TOLLIP: variants seen among roughly 807,000 people sequenced by gnomAD.
TOLLIP encodes the protein toll interacting protein.
TOLLIP carries 16 observed loss-of-function variants against 33.5 expected under a neutral mutation model. That is an observed-to-expected ratio of 0.48 (90% CI 0.32 to 0.72). The LOEUF is 0.72. Ranked by LOEUF, TOLLIP falls within the 30% of genes least tolerant of loss-of-function variation. The probability of loss-of-function intolerance (pLI) is 0.03; values close to 1 mark genes in which losing one functional copy is unlikely to be tolerated. For missense variants in TOLLIP, 325 were observed against 396.6 expected, an observed-to-expected ratio of 0.82 and a Z score of 1.53; for synonymous variants, 176 against 163.7, an observed-to-expected ratio of 1.07 and a Z score of -0.57.
In TOLLIP at chr11:1,309,484, G is replaced by A. The variant is rs1413498449; in HGVS notation, c.15C>T (p.Val5=). 10 of 1,340,966 alleles carry A rather than the reference G, an allele frequency of 7.5e-6. No individual in the cohort carries two copies. The highest frequency in any genetic ancestry group is 9.6e-6 in the Non-Finnish European group (10 of 1,040,236). The allele number at this position is 1,340,966 out of a possible 1,614,324, so 83.1% of individuals were successfully genotyped here. The change falls in exon 1 of 6, where the codon GTC becomes GTT. Residue 5 remains valine (V), a synonymous_variant. Coordinates refer to ENST00000317204, the MANE Select transcript of TOLLIP (RefSeq NM_019009.4). The part of the protein sequence containing the change: MATT[V]STQRGPVYIG... Reference sequence around the variant, plus strand: ...GCCTCACCGGCCCGCGCTGAGTGCTGACGGTGGTCGCCATGGTGCTGCGGC... The same window carrying A: ...GCCTCACCGGCCCGCGCTGAGTGCTAACGGTGGTCGCCATGGTGCTGCGGC...
intron 1 of TOLLIP, chr11:1,302,855 C>T: frequency 1.1e-6 from 1 of 941,706 alleles, no homozygotes; most frequent in Non-Finnish European, 1.3e-6. Context: ...TCAGCAGCCC[C>T]CTCCCAGGAG....
chr11:1,290,515 C>T lies in TOLLIP; in HGVS notation c.184-106G>A. ...ACCCTTCCACGAGGCCTTTTCCTAA[C>T]ACATAGACTACAGCCACTCAGAGTC... is the stretch of plus-strand genomic sequence containing the variant. On this transcript the variant is annotated intron_variant, in intron 2 of 5. Coordinates refer to ENST00000317204, the MANE Select transcript of TOLLIP (RefSeq NM_019009.4). This position sits in a 1 kb window ranked among gnomAD's most constrained non-coding sequence, Gnocchi z 4.9. 9.6e-7 allele frequency: 1 copy of T among 1,041,872 alleles called. No homozygotes were observed. Among genetic ancestry groups the T allele is most frequent in the Admixed American group, 2.3e-5 (1 of 43,806 alleles). 64.5% of individuals were successfully genotyped at this position (1,041,872 alleles called of 1,614,324 possible).
At chr11:1,281,292 G>C (rs563483445) in intron 5 of TOLLIP, among the ~76,000 whole-genome samples, 16 of 152,228 alleles carry the variant, frequency 1.1e-4, no homozygotes, top group Middle Eastern at 3.4e-3. Flanking sequence ...TCACTGATGC[G>C]GTCACACTTT....
intron 5 of TOLLIP, chr11:1,283,655 C>A: frequency 2.3e-6 from 1 of 444,134 alleles, no homozygotes; most frequent in Non-Finnish European, 4.5e-6. Flanking sequence ...CGTTTTAGAG[C>A]AAACTTGAAA....
chr11:1,295,527 G>C (rs536980044), intron 2 of TOLLIP, 118 bp downstream of exon 2: 64 of 1,261,590 alleles, frequency 5.1e-5, no homozygotes, highest in Non-Finnish European at 6.6e-5. Context: ...CAGGAAAAGC[G>C]GGAATCAGAA....
In TOLLIP at chr11:1,300,582, C is replaced by A. The variant is rs147728317; in HGVS notation, c.34-4788G>T. ...ATTCCTGTTGGTGACACGTCTCCAA[C>A]GGAGAGAGCCGCTGCTTCCTTGGGC... On this transcript the variant is annotated intron_variant, in intron 1 of 5. Transcript: ENST00000317204. Among the ~76,000 whole-genome samples, 6 of 152,348 alleles carry A rather than the reference C, an allele frequency of 3.9e-5. No individual in the cohort carries two copies. In the East Asian group the frequency reaches 1.2e-3, roughly 29 times the overall value.
rs905599779 is a variant in TOLLIP at position 1,303,196 on chromosome 11, G to C, written c.33+6270C>G. Among the ~76,000 whole-genome samples, 2 of 152,108 alleles carry C rather than the reference G, an allele frequency of 1.3e-5. No individual in the cohort carries two copies. Among genetic ancestry groups the C allele is most frequent in the African/African-American group, 4.8e-5 (2 of 41,408 alleles). ...CTACAGAACAAGCGACTTTAAATGGGGTCTCTGCCAGGAACTCCACTGCAG... is the reference window on the plus strand; with the variant it reads ...CTACAGAACAAGCGACTTTAAATGGCGTCTCTGCCAGGAACTCCACTGCAG... On this transcript the variant is annotated intron_variant, in intron 1 of 5. Transcript: ENST00000317204. This position sits in a 1 kb window ranked among gnomAD's most constrained non-coding sequence, Gnocchi z 4.2.
rs1182423297 is a variant in TOLLIP at position 1,303,386 on chromosome 11, C to T, written c.33+6080G>A. On this transcript the variant is annotated intron_variant, in intron 1 of 5. Transcript: ENST00000317204. The surrounding 1 kb of genome is among the most constrained non-coding windows in gnomAD (Gnocchi z 4.2). ...CAGGCCCTGGGCGCCGGGCACAGGG[C>T]GCGCGCTGCGGCAGCCTCTGCGTGT... Among the ~76,000 whole-genome samples the T allele has an allele frequency of 2.0e-5, 3 of 152,178 alleles. No homozygotes were observed. The highest frequency in any genetic ancestry group is 2.9e-5 in the Non-Finnish European group (2 of 68,032).
chr11:1,286,210 GC>G, intron 4 of TOLLIP, 118 bp from the exon 5 acceptor site: 1 of 744,914 alleles, frequency 1.3e-6, no homozygotes, highest in Non-Finnish European at 2.3e-6. Context: ...CCCTCCCCAT[GC>G]CAGCCCAGAA....
At chr11:1,283,703 G>C in intron 5 of TOLLIP, 1 of 395,056 alleles carries the variant, frequency 2.5e-6, no homozygotes, top group Non-Finnish European at 5.0e-6. Context: ...GAACCAGAAA[G>C]AGGTAAGCCA....
intron 5 of TOLLIP, 34 bp downstream of exon 5, chr11:1,285,968 A>G: frequency 6.5e-7 from 1 of 1,547,440 alleles, no homozygotes; most frequent in Non-Finnish European, 8.8e-7. Context: ...GGTTTCTACC[A>G]GGGGAGAGGC....
rs774743394 is a variant in TOLLIP at position 1,277,246 on chromosome 11, G to C, written c.618C>G (p.Pro206=). 5 of 1,550,368 alleles carry C rather than the reference G, an allele frequency of 3.2e-6. No individual in the cohort carries two copies. In the South Asian group the frequency reaches 6.0e-5, roughly 19 times the overall value. ...GCACCATGCCGGGGCTACAGACAGC[G>C]GGCATCCCTGGAAGCAAAGATCAAG... The part of the protein sequence containing the change: ...GVGYVPITGM[P]AVCSPGMVPV... The change falls in exon 6 of 6, where the codon CCC becomes CCG. Residue 206 remains proline, a synonymous_variant. Coordinates refer to ENST00000317204, the MANE Select transcript of TOLLIP (RefSeq NM_019009.4). The surrounding 1 kb of genome is among the most constrained non-coding windows in gnomAD (Gnocchi z 4.2).
chr11:1,277,977 C>G lies in TOLLIP; in HGVS notation c.611-724G>C, dbSNP rs1242641632. Among the ~76,000 whole-genome samples, 1 of 152,212 alleles carries G rather than the reference C, an allele frequency of 6.6e-6. No homozygotes were observed. The highest frequency in any genetic ancestry group is 1.5e-5 in the Non-Finnish European group (1 of 68,034). Reference sequence around the variant, plus strand: ...CCACCGTCCAGGGTTCCTGGCATCTCCACCCCACAGCTACGCAGGCCCCTC... The same window carrying G: ...CCACCGTCCAGGGTTCCTGGCATCTGCACCCCACAGCTACGCAGGCCCCTC... On this transcript the variant is annotated intron_variant, in intron 5 of 5. Coordinates refer to ENST00000317204, the MANE Select transcript of TOLLIP (RefSeq NM_019009.4). This position sits in a 1 kb window ranked among gnomAD's most constrained non-coding sequence, Gnocchi z 4.2.
At chr11:1,285,965 AC>A (rs761984410) in intron 5 of TOLLIP, 36 bp downstream of exon 5, 1 of 1,530,680 alleles carries the variant, frequency 6.5e-7, no homozygotes, top group Non-Finnish European at 8.9e-7. Flanking sequence ...TGGGGTTTCT[AC>A]CAGGGGAGAG....
chr11:1,307,193 G>A (rs1354432909), intron 1 of TOLLIP, among the ~76,000 whole-genome samples: 2 of 152,192 alleles, frequency 1.3e-5, no homozygotes, highest in African/African-American at 4.8e-5. Context: ...CCCCGTCGCT[G>A]ACAACACCTT....
At chr11:1,291,874 T>C (rs1263411605) in intron 2 of TOLLIP, 3 of 158,988 alleles carry the variant, frequency 1.9e-5, no homozygotes, top group Middle Eastern at 2.9e-3. Context: ...AGGGCACGGC[T>C]GTCCCGTCCA....
intron 5 of TOLLIP, among the ~76,000 whole-genome samples, chr11:1,281,415 C>G (rs1255442395): frequency 6.6e-6 from 1 of 152,170 alleles, no homozygotes; most frequent in Non-Finnish European, 1.5e-5. Flanking sequence ...GCTCAGCCAG[C>G]ATTCAGCCCT....
chr11:1,309,409 G>A, intron 1 of TOLLIP, 57 bp downstream of exon 1: 1 of 1,090,186 alleles, frequency 9.2e-7, no homozygotes, highest in Non-Finnish European at 1.2e-6. Flanking sequence ...CTGACCCAAG[G>A]CCCCGCCCGC....
chr11:1,307,373 G>C (rs5743865), intron 1 of TOLLIP, among the ~76,000 whole-genome samples: 2 of 152,188 alleles, frequency 1.3e-5, no homozygotes, highest in Non-Finnish European at 2.9e-5. Flanking sequence ...CAGGCCCTGC[G>C]TGTGAGAACA....
Sources: allele counts gnomAD v4.1 joint callset (sites outside exome capture counted in the v4.1 genomes callset), GRCh38; gene constraint gnomAD v4.1.1; non-coding constraint Gnocchi (gnomAD v3.1); transcripts MANE v1.5; gene names NCBI Gene and HGNC (gene_info 2026-07-23, HGNC 2026-07-21).